KLHL32: variants seen among roughly 807,000 people sequenced by gnomAD.
KLHL32 encodes the protein kelch-like protein 32.
A neutral mutation model predicts 64.8 loss-of-function variants in KLHL32; 35 were observed. That is an observed-to-expected ratio of 0.54 (90% confidence interval 0.41 to 0.72). The LOEUF (loss-of-function observed/expected upper bound fraction) is 0.72, where lower values mean the gene tolerates loss of function less well. Ranked by LOEUF, KLHL32 falls within the 30% of genes least tolerant of loss-of-function variation. The pLI, the probability that KLHL32 is intolerant of heterozygous loss-of-function variation, is 0.00. For synonymous variants in KLHL32, 259 were observed against 281.0 expected, an observed-to-expected ratio of 0.92 and a Z score of 0.78; for missense variants, 589 against 768.5, an observed-to-expected ratio of 0.77 and a Z score of 2.76.
At chr6:97,026,309 T>C (rs1782714106) in intron 3 of KLHL32, among the ~76,000 whole-genome samples, 1 of 151,942 alleles carries the variant, frequency 6.6e-6, no homozygotes, top group African/African-American at 2.4e-5. Context: ...GAGTTCGAGG[T>C]TGCAGTGAGC....
chr6:97,118,307 T>C (rs1447551106), intron 7 of KLHL32, among the ~76,000 whole-genome samples: 1 of 152,136 alleles, frequency 6.6e-6, no homozygotes, highest in Non-Finnish European at 1.5e-5. Flanking sequence ...CAGATATTGT[T>C]TTACTTACAT....
In KLHL32 at chr6:97,055,796, T is replaced by TAAAAAAAAAAAAAAAAAAAAAAAAAAAAA. The variant is rs750242567; in HGVS notation, c.313-8806_313-8805insAAAAAAAAAAAAAAAAAAAAAAAAAAAAA. Among the ~76,000 whole-genome samples, 56 of 81,054 alleles carry TAAAAAAAAAAAAAAAAAAAAAAAAAAAAA rather than the reference T, an allele frequency of 6.9e-4. 13 individuals are homozygous for TAAAAAAAAAAAAAAAAAAAAAAAAAAAAA. Among genetic ancestry groups the TAAAAAAAAAAAAAAAAAAAAAAAAAAAAA allele is most frequent in the South Asian group, 9.9e-4 (2 of 2,016 alleles). 53.2% of individuals were successfully genotyped at this position (81,054 alleles called of 152,430 possible). On this transcript the variant is annotated intron_variant, in intron 4 of 10. Coordinates refer to ENST00000369261, the MANE Select transcript of KLHL32 (RefSeq NM_052904.4). ...CGAGGTAACAGACTGAGAACCTGTC[T>TAAAAAAAAAAAAAAAAAAAAAAAAAAAAA]AAAAAAAAAAAAAAAAAAAAAAAAA...
intron 3 of KLHL32, among the ~76,000 whole-genome samples, chr6:97,016,105 A>G (rs898337064): frequency 6.6e-6 from 1 of 152,260 alleles, no homozygotes; most frequent in Non-Finnish European, 1.5e-5. Flanking sequence ...AACCTCTGCT[A>G]GGGCAATGCA....
At chr6:97,024,878 T>C (rs753272421) in intron 3 of KLHL32, 7 of 476,180 alleles carry the variant, frequency 1.5e-5, no homozygotes, top group Non-Finnish European at 1.9e-5. Flanking sequence ...TTGTTTCAAA[T>C]ATATATTGAA....
chr6:97,046,577 T>C (rs563447893), intron 4 of KLHL32, among the ~76,000 whole-genome samples: 1 of 152,326 alleles, frequency 6.6e-6, no homozygotes, highest in South Asian at 2.1e-4. Context: ...TAGAAGTTGA[T>C]ACCTCTACAG....
intron 1 of KLHL32, among the ~76,000 whole-genome samples, 163 bp downstream of exon 1, chr6:96,925,189 G>A (rs1208281008): frequency 6.6e-6 from 1 of 152,136 alleles, no homozygotes; most frequent in East Asian, 1.9e-4. Context: ...CACTACTCAG[G>A]TTACTTATGC....
chr6:96,963,403 G>C (rs1774092111), intron 1 of KLHL32, among the ~76,000 whole-genome samples: 1 of 152,210 alleles, frequency 6.6e-6, no homozygotes, highest in Non-Finnish European at 1.5e-5. Context: ...TGTTCCAGGA[G>C]AGGAAGAGAA....
chr6:96,923,142 C>G (rs73758059), upstream of KLHL32, among the ~76,000 whole-genome samples: 1 of 152,160 alleles, frequency 6.6e-6, no homozygotes, highest in Non-Finnish European at 1.5e-5. Context: ...CAATTATAGT[C>G]TTTGCTCTAT....
At chr6:96,980,872 G>A (rs1031088028) in intron 3 of KLHL32, among the ~76,000 whole-genome samples, 16 of 152,098 alleles carry the variant, frequency 1.1e-4, no homozygotes, top group African/African-American at 3.6e-4. Flanking sequence ...AATTTATAAA[G>A]GAAAGAGATT....
At chr6:96,906,204 T>A in the KLHL32 span, among the ~76,000 whole-genome samples, 1 of 152,314 alleles carries the variant, frequency 6.6e-6, no homozygotes, top group Non-Finnish European at 1.5e-5. Context: ...GGGAACCCAG[T>A]TAAGCCTGCT....
chr6:96,947,712 C>T (rs890598043), intron 1 of KLHL32, among the ~76,000 whole-genome samples: 3 of 152,072 alleles, frequency 2.0e-5, no homozygotes, highest in East Asian at 1.9e-4. Context: ...TTGCATTGTT[C>T]TTAGTAATTA....
intron 4 of KLHL32, among the ~76,000 whole-genome samples, chr6:97,055,678 C>T (rs1016502276): frequency 6.6e-6 from 1 of 151,720 alleles, no homozygotes; most frequent in African/African-American, 2.4e-5. Flanking sequence ...TGTGCCTGTA[C>T]TCCCAGCTAG....
At chr6:97,036,924 G>T (rs928239576) in intron 3 of KLHL32, among the ~76,000 whole-genome samples, 6 of 152,202 alleles carry the variant, frequency 3.9e-5, no homozygotes, top group Admixed American at 3.3e-4. Context: ...TTTCCCCTAT[G>T]GGGGGATATA....
chr6:97,028,405 CT>C (rs759572552), intron 3 of KLHL32, among the ~76,000 whole-genome samples: 17 of 152,172 alleles, frequency 1.1e-4, no homozygotes, highest in Non-Finnish European at 2.2e-4. Context: ...ACAGGAGTCT[CT>C]TCTGGTCTTA....
At chr6:96,961,752 A>G (rs778852166) in intron 1 of KLHL32, among the ~76,000 whole-genome samples, 3 of 152,190 alleles carry the variant, frequency 2.0e-5, no homozygotes, top group Non-Finnish European at 4.4e-5. Flanking sequence ...ATTGAGCTGT[A>G]TGGTTCTTCA....
intron 10 of KLHL32, among the ~76,000 whole-genome samples, chr6:97,137,077 A>G (rs1031235946): frequency 9.9e-5 from 15 of 152,188 alleles, no homozygotes; most frequent in Non-Finnish European, 1.9e-4. Flanking sequence ...TGTGGTAAAT[A>G]CTAAATGACC....
chr6:96,979,497 G>A (rs1776061830), intron 3 of KLHL32, among the ~76,000 whole-genome samples: 2 of 152,082 alleles, frequency 1.3e-5, no homozygotes, highest in Non-Finnish European at 2.9e-5. Context: ...ATTTGTCTAT[G>A]TGCCTGTTTT....
At chr6:97,054,223 G>A (rs1274865110) in intron 4 of KLHL32, among the ~76,000 whole-genome samples, 1 of 152,112 alleles carries the variant, frequency 6.6e-6, no homozygotes, top group African/African-American at 2.4e-5. Flanking sequence ...AAATAATGAT[G>A]AGAACATTCA....
chr6:97,042,100 T>C (rs1382763645), intron 4 of KLHL32, among the ~76,000 whole-genome samples: 2 of 152,226 alleles, frequency 1.3e-5, no homozygotes, highest in Non-Finnish European at 2.9e-5. Context: ...AAAGTTGTTA[T>C]AGGATTTATA....
Sources: gnomAD v4.1 joint callset for allele counts (sites outside exome capture counted in the v4.1 genomes callset) on GRCh38, gnomAD v4.1.1 for gene constraint, MANE v1.5 for transcripts, NCBI Gene and HGNC (gene_info 2026-07-23, HGNC 2026-07-21) for gene names.